NPAS3: variants seen among roughly 807,000 people sequenced by gnomAD.
NPAS3 encodes neuronal PAS domain protein 3.
NPAS3 carries 14 observed loss-of-function variants against 73.1 expected under a neutral mutation model. The ratio of observed to expected loss-of-function variants is 0.19; its 90% confidence interval spans 0.13 to 0.30. The LOEUF is 0.30. NPAS3 is among the 10% of genes least tolerant of loss of function. The pLI, the probability that NPAS3 is intolerant of heterozygous loss-of-function variation, is 1.00. For missense variants in NPAS3, 1,096 were observed against 1,250.0 expected (o/e 0.88, Z 1.86); for synonymous variants, 620 against 541.5 (o/e 1.14, Z -2.01).
chr14:33,516,718 G>A (rs1033431135), intron 4 of NPAS3, among the ~76,000 whole-genome samples: 2 of 152,100 alleles, frequency 1.3e-5, no homozygotes, highest in African/African-American at 2.4e-5. Context: ...TTAGGACCTG[G>A]TGAGCTCTCA....
chr14:33,361,461 G>A (rs930394938), intron 3 of NPAS3, among the ~76,000 whole-genome samples: 22 of 152,166 alleles, frequency 1.4e-4, no homozygotes, highest in African/African-American at 5.3e-4. Flanking sequence ...TTCTTTAATA[G>A]TTGAAGCAAT....
chr14:33,673,319 T>A (rs1375060578), intron 5 of NPAS3, among the ~76,000 whole-genome samples: 1 of 152,222 alleles, frequency 6.6e-6, no homozygotes, highest in Non-Finnish European at 1.5e-5. Flanking sequence ...CAGGTTCTTT[T>A]GTAAACTGGA....
At chr14:33,322,228 A>C (rs369728747) in intron 3 of NPAS3, among the ~76,000 whole-genome samples, 21 of 152,290 alleles carry the variant, frequency 1.4e-4, no homozygotes, top group African/African-American at 4.8e-4. Flanking sequence ...AGTGAATTGG[A>C]GTGCCAGCAG....
chr14:33,407,892 C>T (rs899060836), intron 4 of NPAS3, among the ~76,000 whole-genome samples: 4 of 152,170 alleles, frequency 2.6e-5, no homozygotes, highest in African/African-American at 7.2e-5. Context: ...CAGCATAGGT[C>T]GGATGCTTCA....
intron 3 of NPAS3, among the ~76,000 whole-genome samples, chr14:33,228,604 T>C (rs911154591): frequency 6.6e-6 from 1 of 152,134 alleles, no homozygotes; most frequent in African/African-American, 2.4e-5. Context: ...TACTCACCTA[T>C]TCATCCTCTA....
intron 2 of NPAS3, among the ~76,000 whole-genome samples, chr14:33,098,400 A>G (rs1330439528): frequency 6.6e-6 from 1 of 151,942 alleles, no homozygotes; most frequent in Non-Finnish European, 1.5e-5. Flanking sequence ...GATGACAACA[A>G]TGATGATGAC....
intron 6 of NPAS3, among the ~76,000 whole-genome samples, chr14:33,699,013 G>C (rs1015697689): frequency 6.6e-6 from 1 of 152,146 alleles, no homozygotes; most frequent in Non-Finnish European, 1.5e-5. Context: ...ACATGTGCTG[G>C]CATGTGGACA....
intron 5 of NPAS3, among the ~76,000 whole-genome samples, chr14:33,669,602 T>G (rs549764851): frequency 6.6e-6 from 1 of 152,212 alleles, no homozygotes; most frequent in Non-Finnish European, 1.5e-5. Flanking sequence ...AATTTACCCT[T>G]AAACAACAAA....
chr14:33,127,006 A>C (rs918368765), intron 2 of NPAS3, among the ~76,000 whole-genome samples: 7 of 152,040 alleles, frequency 4.6e-5, no homozygotes, highest in Non-Finnish European at 7.4e-5. Flanking sequence ...TATTGAAGCT[A>C]CCTGAATTTC....
intron 4 of NPAS3, among the ~76,000 whole-genome samples, chr14:33,440,751 G>T (rs989874836): frequency 6.6e-5 from 10 of 152,184 alleles, no homozygotes; most frequent in Middle Eastern, 3.4e-3. Context: ...AAATTATCTG[G>T]GTGTGGTGGA....
intron 4 of NPAS3, among the ~76,000 whole-genome samples, chr14:33,521,442 G>C (rs1312651359): frequency 6.6e-6 from 1 of 151,426 alleles, no homozygotes; most frequent in Non-Finnish European, 1.5e-5. Flanking sequence ...TTTGCCCTGA[G>C]GGCTGAGTGC....
intron 7 of NPAS3, among the ~76,000 whole-genome samples, chr14:33,769,429 G>A (rs894524535): frequency 3.9e-5 from 6 of 152,162 alleles, no homozygotes; most frequent in Admixed American, 2.6e-4. Context: ...ATCGTCCTGT[G>A]GGACAGGCAC....
At chr14:33,718,637 G>A (rs866631800) in intron 6 of NPAS3, among the ~76,000 whole-genome samples, 9 of 132,142 alleles carry the variant, frequency 6.8e-5, no homozygotes, top group African/African-American at 2.2e-4. Flanking sequence ...ATTTGATATG[G>A]TATCACAGTG....
chr14:33,768,489 TA>T (rs1417605703), intron 7 of NPAS3, among the ~76,000 whole-genome samples: 1 of 152,216 alleles, frequency 6.6e-6, no homozygotes, highest in Non-Finnish European at 1.5e-5. Flanking sequence ...AATGAATTAT[TA>T]AGCTGAATTT....
At chr14:33,165,073 G>A (rs1439294487) in intron 2 of NPAS3, among the ~76,000 whole-genome samples, 2 of 152,064 alleles carry the variant, frequency 1.3e-5, no homozygotes, top group Non-Finnish European at 2.9e-5. Context: ...CAGGTTTGGG[G>A]CAGAAGGAAA....
intron 5 of NPAS3, among the ~76,000 whole-genome samples, chr14:33,626,213 T>G (rs995647937): frequency 1.3e-5 from 2 of 152,214 alleles, no homozygotes; most frequent in African/African-American, 4.8e-5. Context: ...TACAAACATC[T>G]AAGTATATTA....
chr14:33,431,987 A>T lies in NPAS3; in HGVS notation c.468+64719A>T, dbSNP rs17101102. Among the ~76,000 whole-genome samples, 671 of 152,346 alleles carry T rather than the reference A, an allele frequency of 4.4e-3. 4 individuals are homozygous for T. The highest frequency in any genetic ancestry group is 0.015 in the African/African-American group (629 of 41,602). On this transcript the variant is annotated intron_variant, in intron 4 of 11. Transcript: ENST00000356141. The stretch of plus-strand genomic sequence containing the variant: ...TAGTATTACTCATATATAATATGGC[A>T]TATAATGTGTCATATCATTTTATGT...
At chr14:33,083,121 T>G (rs1475092132) in intron 2 of NPAS3, among the ~76,000 whole-genome samples, 1 of 131,264 alleles carries the variant, frequency 7.6e-6, no homozygotes, top group Non-Finnish European at 1.5e-5. Flanking sequence ...AGACAGAGGT[T>G]GCAGTGAGCC....
intron 4 of NPAS3, among the ~76,000 whole-genome samples, chr14:33,452,617 CA>C (rs1369809181): frequency 6.6e-6 from 1 of 150,870 alleles, no homozygotes. Flanking sequence ...CTAAAAAATA[CA>C]AAAAAAATTA....
Sources: gnomAD v4.1 joint callset for allele counts (sites outside exome capture counted in the v4.1 genomes callset) on GRCh38, gnomAD v4.1.1 for gene constraint, MANE v1.5 for transcripts, NCBI Gene and HGNC (gene_info 2026-07-23, HGNC 2026-07-21) for gene names.